KRABD4: variants seen among roughly 807,000 people sequenced by gnomAD.
The protein encoded by KRABD4 is KRAB domain-containing protein 4.
the KRABD4 span, among the ~76,000 whole-genome samples, chrX:46,459,888 C>G: frequency 8.9e-6 from 1 of 111,903 alleles, no homozygotes; most frequent in Admixed American, 9.5e-5. Context: ...TGGACACCAG[C>G]TCGGTGTGCT....
At chrX:46,465,983 A>G in the KRABD4 span, among the ~76,000 whole-genome samples, 7 of 111,609 alleles carry the variant, frequency 6.3e-5, no homozygotes, top group Non-Finnish European at 1.3e-4. Context: ...ATTTAAATCT[A>G]TTTCAGGAAC....
chrX:46,460,535 C>T, the KRABD4 span, among the ~76,000 whole-genome samples: 1 of 108,128 alleles, frequency 9.2e-6, no homozygotes, highest in South Asian at 4.1e-4. Context: ...CCTTTCATGC[C>T]CTCTCTGGAC....
the KRABD4 span, among the ~76,000 whole-genome samples, chrX:46,452,358 A>G: frequency 2.8e-5 from 3 of 106,579 alleles, no homozygotes; most frequent in Non-Finnish European, 5.8e-5. Flanking sequence ...CACTATTGAC[A>G]TTTTGGTTGA....
the KRABD4 span, among the ~76,000 whole-genome samples, chrX:46,464,044 C>G: frequency 4.9e-5 from 2 of 40,807 alleles, no homozygotes; most frequent in Non-Finnish European, 8.2e-5. Context: ...GTTATTATCT[C>G]TTTACTTTTT....
At chrX:46,452,252 A>G in the KRABD4 span, among the ~76,000 whole-genome samples, 1 of 107,704 alleles carries the variant, frequency 9.3e-6, no homozygotes, top group Non-Finnish European at 1.9e-5. Flanking sequence ...TTCTCTCTTT[A>G]ACAAGTTACA....
chrX:46,455,152 G>A, the KRABD4 span: 2 of 867,676 alleles, frequency 2.3e-6, no homozygotes, highest in Non-Finnish European at 3.3e-6. Flanking sequence ...TTTCAACACA[G>A]CATGATCACT....
the KRABD4 span, chrX:46,473,484 C>G: frequency 8.8e-6 from 8 of 909,465 alleles, no homozygotes; most frequent in Non-Finnish European, 1.2e-5. Context: ...TCAGATAATT[C>G]ATATGGGAGA....
chrX:46,451,918 A>G, the KRABD4 span, among the ~76,000 whole-genome samples: 1 of 112,598 alleles, frequency 8.9e-6, no homozygotes, highest in Non-Finnish European at 1.9e-5. Flanking sequence ...AATTCAAACA[A>G]AAGCTTTGTT....
chrX:46,469,887 T>C, the KRABD4 span, among the ~76,000 whole-genome samples: 2 of 111,753 alleles, frequency 1.8e-5, no homozygotes, highest in African/African-American at 6.5e-5. Context: ...CCTGATTTTC[T>C]GAAAGTTTTT....
chrX:46,455,802 G>A, the KRABD4 span: 1 of 364,600 alleles, frequency 2.7e-6, no homozygotes, highest in Non-Finnish European at 5.0e-6. Context: ...AGAATTCAGA[G>A]TTGCTCTTAA....
chrX:46,452,296 T>C, the KRABD4 span, among the ~76,000 whole-genome samples: 1 of 110,204 alleles, frequency 9.1e-6, no homozygotes, highest in African/African-American at 3.3e-5. Context: ...TTTTTTTTTT[T>C]TTAACGAACT....
chrX:46,471,231 G>GTT, the KRABD4 span: 1 of 1,115,710 alleles, frequency 9.0e-7, no homozygotes, highest in Non-Finnish European at 1.2e-6. Flanking sequence ...AGAATTGACT[G>GTT]TTTTATCATT....
the KRABD4 span, among the ~76,000 whole-genome samples, chrX:46,461,185 T>G: frequency 9.0e-6 from 1 of 110,703 alleles, no homozygotes. Context: ...TATGACTGGC[T>G]GGTAGGAAGC....
the KRABD4 span, chrX:46,448,684 A>T: frequency 8.8e-6 from 1 of 113,249 alleles, no homozygotes; most frequent in East Asian, 2.8e-4. Flanking sequence ...ATGTCCCCCC[A>T]TGGGGCAGGT....
the KRABD4 span, among the ~76,000 whole-genome samples, chrX:46,469,085 A>G: frequency 8.9e-6 from 1 of 112,417 alleles, no homozygotes; most frequent in African/African-American, 3.2e-5. Context: ...CACAACCTGT[A>G]CCACATGTCT....
At chrX:46,471,055 G>C in the KRABD4 span, 1 of 1,039,563 alleles carries the variant, frequency 9.6e-7, no homozygotes. Context: ...ATCCTTGCTG[G>C]TTTTCTGTCT....
the KRABD4 span, chrX:46,455,478 T>A: frequency 2.3e-6 from 1 of 429,178 alleles, no homozygotes; most frequent in East Asian, 4.2e-5. Context: ...CTTTTTTAAA[T>A]CTGTATTTCT....
the KRABD4 span, chrX:46,457,007 T>C: frequency 3.2e-6 from 1 of 308,531 alleles, no homozygotes; most frequent in Admixed American, 6.0e-5. Context: ...GAGTTTATGT[T>C]CACCGAGTGA....
At chrX:46,470,478 C>T in the KRABD4 span, among the ~76,000 whole-genome samples, 1 of 111,363 alleles carries the variant, frequency 9.0e-6, no homozygotes. Context: ...TCTTTTCACT[C>T]AGCATACTTC....
Sources: gnomAD v4.1 joint callset for allele counts (sites outside exome capture counted in the v4.1 genomes callset) on GRCh38, gnomAD v4.1.1 for gene constraint, MANE v1.5 for transcripts, NCBI Gene and HGNC (gene_info 2026-07-23, HGNC 2026-07-21) for gene names.